Variants in NUP210 observed in about 807,000 individuals in gnomAD.
The protein encoded by NUP210 is nucleoporin 210.
In NUP210, 151 loss-of-function variants were observed where a neutral mutation model predicts 196.0. The ratio of observed to expected loss-of-function variants is 0.77; its 90% CI spans 0.67 to 0.88. The LOEUF is 0.88. Ranked by LOEUF, NUP210 falls within the 40% of genes least tolerant of loss-of-function variation. The probability of loss-of-function intolerance (pLI) is 0.00; values close to 1 mark genes in which losing one functional copy is unlikely to be tolerated. For synonymous variants in NUP210, 1,070 were observed against 1,052.7 expected (o/e 1.02, Z -0.32); for missense variants, 2,314 against 2,493.7 (o/e 0.93, Z 1.53).
At chr3:13,366,892 A>G (rs1186695806) in intron 13 of NUP210, among the ~76,000 whole-genome samples, 1 of 151,918 alleles carries the variant, frequency 6.6e-6, no homozygotes, top group African/African-American at 2.4e-5. Flanking sequence ...TGGGAGGCTG[A>G]GATGGGCGGA....
intron 1 of NUP210, among the ~76,000 whole-genome samples, chr3:13,412,247 T>TTTTTTTTTTTTTTTTTTA (rs1553605356): frequency 7.4e-6 from 1 of 135,646 alleles, no homozygotes; most frequent in African/African-American, 3.3e-5. Flanking sequence ...TTTTTTTTTT[T>TTTTTTTTTTTTTTTTTTA]AGTAGAGACA....
chr3:13,360,263 C>T lies in NUP210; in HGVS notation c.2154+7G>A, dbSNP rs551787844. 1.9e-6 allele frequency: 3 copies of T among 1,607,886 alleles called. No individual in the cohort carries two copies. In the Admixed American group the frequency reaches 5.0e-5, roughly 27 times the overall value. ...GCAAGGAGGGTCTGGAGCAGCTGCC[C>T]ACTCACCTGCTCACCCAAGGCCTGA... On this transcript the variant is annotated splice_region_variant and intron_variant, in intron 15 of 39. Coordinates refer to ENST00000254508, the MANE Select transcript of NUP210 (RefSeq NM_024923.4).
Position 13,379,873 on chromosome 3 carries a change from G to C in NUP210, c.818-152C>G, listed in dbSNP as rs554408038. 1 of 609,302 alleles carries C rather than the reference G, an allele frequency of 1.6e-6. No homozygotes were observed. The highest frequency in any genetic ancestry group is 2.9e-5 in the South Asian group (1 of 34,648). The allele number at this position is 609,302 out of a possible 1,614,324, so 37.7% of individuals were successfully genotyped here. A position where few individuals can be genotyped will look rare whatever the true frequency, so the allele number is the denominator to read the frequency against. The stretch of plus-strand genomic sequence containing the variant: ...CTTAATTGTTTTCAGTGCTTTAAAT[G>C]TTAATATTGTTCTGCATGCTGGTGG... On this transcript the variant is annotated intron_variant, in intron 6 of 39. Transcript: ENST00000254508. The surrounding 1 kb of genome is among the most constrained non-coding windows in gnomAD (Gnocchi z 4.2).
At chr3:13,401,849 C>A (rs1333572094) in intron 1 of NUP210, among the ~76,000 whole-genome samples, 1 of 151,856 alleles carries the variant, frequency 6.6e-6, no homozygotes, top group Non-Finnish European at 1.5e-5. Flanking sequence ...GAAAAAGGAG[C>A]CTGTACTTAC....
chr3:13,378,464 A>C (rs113767857), intron 8 of NUP210, among the ~76,000 whole-genome samples: 16 of 152,320 alleles, frequency 1.1e-4, no homozygotes, highest in African/African-American at 1.9e-4. Context: ...CCCGCAAAAG[A>C]AGCTCTGTCT....
intron 31 of NUP210, 149 bp from the exon 32 acceptor site, chr3:13,327,586 GTGGCCCCAGATGAGGGA>G: frequency 1.6e-6 from 1 of 638,070 alleles, no homozygotes; most frequent in Admixed American, 2.8e-5. Context: ...TTACCAAGCA[GTGGCCCCAGATGAGGGA>G]CCACTGCAGG....
chr3:13,403,501 C>A (rs1302590975), intron 1 of NUP210, among the ~76,000 whole-genome samples: 1 of 152,208 alleles, frequency 6.6e-6, no homozygotes, highest in Non-Finnish European at 1.5e-5. Flanking sequence ...ATGCCATCGC[C>A]TTGGGGATGA....
chr3:13,418,597 G>A (rs368800899), intron 1 of NUP210, among the ~76,000 whole-genome samples: 7 of 152,086 alleles, frequency 4.6e-5, no homozygotes, highest in African/African-American at 1.7e-4. Flanking sequence ...AGACCAGCCT[G>A]GCCAACATAG....
intron 28 of NUP210, among the ~76,000 whole-genome samples, chr3:13,332,955 G>A (rs1213393221): frequency 6.6e-6 from 1 of 152,192 alleles, no homozygotes; most frequent in East Asian, 1.9e-4. Flanking sequence ...CCTGGGCAAG[G>A]TGCCACCGAA....
intron 1 of NUP210, among the ~76,000 whole-genome samples, chr3:13,406,355 C>T (rs1348935200): frequency 6.6e-6 from 1 of 152,128 alleles, no homozygotes; most frequent in African/African-American, 2.4e-5. Flanking sequence ...TTGGCTGGGA[C>T]CCACCGTGAG....
At position 13,400,358 on chromosome 3, in the gene NUP210, A is replaced by G. The variant is rs955237266; in HGVS notation, c.168-497T>C. Among the ~76,000 whole-genome samples, 6 of 152,152 alleles carry G rather than the reference A, an allele frequency of 3.9e-5. 1 individual carries two copies. Among genetic ancestry groups the G allele is most frequent in the African/African-American group, 1.4e-4 (6 of 41,438 alleles). ...CTAACCCTGGGGATCACTACCTGTAATGATAAACACAACCATGAGCTCCCA... is the reference window on the plus strand; with the variant it reads ...CTAACCCTGGGGATCACTACCTGTAGTGATAAACACAACCATGAGCTCCCA... On this transcript the variant is annotated intron_variant, in intron 1 of 39. Transcript: ENST00000254508.
chr3:13,389,320 G>A lies in NUP210; in HGVS notation c.534-867C>T, dbSNP rs1699402536. On this transcript the variant is annotated intron_variant, in intron 4 of 39. Transcript: ENST00000254508. ...ATGGGGTATTGTCAGAAGGGGACAG[G>A]GATTCAGCATCCCCTCAACATCCAG... 2.6e-5 allele frequency among the ~76,000 whole-genome samples: 4 copies of A among 152,214 alleles called. 1 individual carries two copies. In the South Asian group the frequency reaches 8.3e-4, roughly 32 times the overall value.
At chr3:13,335,854 T>C (rs1056443119) in intron 27 of NUP210, among the ~76,000 whole-genome samples, 2 of 152,234 alleles carry the variant, frequency 1.3e-5, no homozygotes, top group African/African-American at 4.8e-5. Context: ...CATGCACAGA[T>C]GCATTTGGAA....
intron 1 of NUP210, among the ~76,000 whole-genome samples, chr3:13,414,821 C>T (rs544752032): frequency 6.6e-6 from 1 of 152,314 alleles, no homozygotes; most frequent in Admixed American, 6.5e-5. Context: ...CACATGCATC[C>T]ACAGATCTCA....
At chr3:13,397,268 G>T in intron 3 of NUP210, 89 bp downstream of exon 3, 1 of 1,478,088 alleles carries the variant, frequency 6.8e-7, no homozygotes, top group Non-Finnish European at 9.1e-7. Flanking sequence ...GGATGCCAGA[G>T]GAGTGGGGAA....
chr3:13,386,905 G>A (rs1699296762), intron 5 of NUP210, among the ~76,000 whole-genome samples: 1 of 152,196 alleles, frequency 6.6e-6, no homozygotes, highest in African/African-American at 2.4e-5. Context: ...TGCCTCCTCA[G>A]GAAAACCCGT....
At chr3:13,343,435 AG>A in intron 20 of NUP210, 132 bp from the exon 21 acceptor site, 1 of 1,185,128 alleles carries the variant, frequency 8.4e-7, no homozygotes, top group Non-Finnish European at 1.2e-6. Flanking sequence ...CCAGTGGCAG[AG>A]CCCGCCAGGC....
At position 13,377,445 on chromosome 3, in the gene NUP210, C is replaced by A. The variant is rs1698952031; in HGVS notation, c.1152+11G>T. 6.3e-7 allele frequency: 1 copy of A among 1,589,578 alleles called. No homozygotes were observed. Among genetic ancestry groups the A allele is most frequent in the Admixed American group, 1.7e-5 (1 of 59,828 alleles). On this transcript the variant is annotated intron_variant, in intron 9 of 39. Coordinates refer to ENST00000254508, the MANE Select transcript of NUP210 (RefSeq NM_024923.4). ...CTCATCCCCCCAGCCAGGACCTGAA[C>A]AGGCACTCACGTCAGATACATAGAC...
rs1200015541 is a variant in NUP210, at chr3:13,326,704, T to C, written c.4507+513A>G. Among the ~76,000 whole-genome samples, 9 of 152,364 alleles carry C rather than the reference T, an allele frequency of 5.9e-5. 1 individual carries two copies. The highest frequency in any genetic ancestry group is 5.2e-4 in the Admixed American group (8 of 15,312). ...GTCTCCCAGCCTGTGCTGTCCACTA[T>C]GGCGGCCACTTCCCACAGAATTCAC... On this transcript the variant is annotated intron_variant, in intron 32 of 39. Coordinates refer to ENST00000254508, the MANE Select transcript of NUP210 (RefSeq NM_024923.4).
Sources: allele counts gnomAD v4.1 joint callset (sites outside exome capture counted in the v4.1 genomes callset), GRCh38; gene constraint gnomAD v4.1.1; non-coding constraint Gnocchi (gnomAD v3.1); transcripts MANE v1.5; gene names NCBI Gene and HGNC (gene_info 2026-07-23, HGNC 2026-07-21).